BANP: variants seen among roughly 807,000 people sequenced by gnomAD.
The protein encoded by BANP is protein BANP.
In BANP, 11 loss-of-function variants were observed where a neutral mutation model predicts 68.1. The observed-to-expected ratio is 0.16, with a 90% CI of 0.10 to 0.27. The LOEUF (loss-of-function observed/expected upper bound fraction) is 0.27. Among genes scored for constraint, BANP ranks in the 10% least tolerant of loss-of-function variants. The pLI, the probability that BANP is intolerant of heterozygous loss-of-function variation, is 1.00. For synonymous variants in BANP, 329 were observed against 303.2 expected (o/e 1.09, Z -0.88); for missense variants, 504 against 722.7 (o/e 0.70, Z 3.47).
intron 11 of BANP, among the ~76,000 whole-genome samples, chr16:88,059,097 C>T (rs532162754): frequency 6.6e-6 from 1 of 151,010 alleles, no homozygotes; most frequent in Non-Finnish European, 1.5e-5. Flanking sequence ...GTCCGTGCTC[C>T]TGCTGGTGTG....
At chr16:88,009,830 A>G (rs185933173) in intron 6 of BANP, among the ~76,000 whole-genome samples, 52 of 147,572 alleles carry the variant, frequency 3.5e-4, no homozygotes, top group Admixed American at 2.5e-3. Flanking sequence ...TTAGAATAAG[A>G]AGGACAGTAG....
At position 88,057,531 on chromosome 16, in the gene BANP, T is replaced by C. The variant is rs914335073; in HGVS notation, c.1312-7736T>C. ...CGAGGAGTGAAAAACACCCCTCAGG[T>C]CGCTTCATGCTGATTCTGTTTAGGC... is the stretch of plus-strand genomic sequence containing the variant. On this transcript the variant is annotated intron_variant, in intron 11 of 13. Transcript: ENST00000682872. The surrounding 1 kb of genome is among the most constrained non-coding windows in gnomAD (Gnocchi z 4.6). Among the ~76,000 whole-genome samples, 11 of 151,974 alleles carry C rather than the reference T, an allele frequency of 7.2e-5. No individual in the cohort carries two copies. The highest frequency in any genetic ancestry group is 2.0e-4 in the Admixed American group (3 of 15,268).
chr16:87,984,249 A>G lies in BANP; in HGVS notation c.352A>G (p.Lys118Glu), dbSNP rs1482807793. Residue 118 changes from lysine (K) to glutamate (E), a missense_variant, in exon 4 of 14, where the codon AAA becomes GAA. By Grantham distance (56) the Lys-to-Glu change is moderately conservative. Around this residue, in one of 3 missense-constraint regions of BANP, gnomAD observed 238 missense variants for 278.9 expected, o/e 0.85. Transcript: ENST00000682872. ...TCTCGGGGCAACCCAGACGTGCAAC[A>G]AAGTGCGATGGTAAGAACAGACCAG... ...SPLGATQTCN[K>E]VRCVVPQTTV... 6.3e-7 allele frequency: 1 copy of G among 1,587,874 alleles called. No homozygotes were observed. Among genetic ancestry groups the G allele is most frequent in the South Asian group, 1.1e-5 (1 of 88,132 alleles).
intron 4 of BANP, among the ~76,000 whole-genome samples, chr16:87,987,961 G>C (rs562614620): frequency 5.3e-4 from 81 of 151,982 alleles, no homozygotes; most frequent in Non-Finnish European, 9.1e-4. Context: ...ATGAGGTTTT[G>C]CCATGTTGTA....
chr16:87,968,712 T>C (rs1002739916), intron 1 of BANP, among the ~76,000 whole-genome samples: 1 of 152,120 alleles, frequency 6.6e-6, no homozygotes, highest in Non-Finnish European at 1.5e-5. Context: ...ATGTGGTTTC[T>C]GCTTCCCTGG....
At chr16:88,021,250 G>T (rs2075976474) in intron 7 of BANP, among the ~76,000 whole-genome samples, 1 of 152,216 alleles carries the variant, frequency 6.6e-6, no homozygotes, top group African/African-American at 2.4e-5. Flanking sequence ...GGCCTCCCCA[G>T]GCTCTGAGCT....
chr16:88,072,414 C>T (rs893639486), intron 13 of BANP, among the ~76,000 whole-genome samples: 8 of 152,256 alleles, frequency 5.3e-5, no homozygotes, highest in African/African-American at 1.9e-4. Context: ...TGCCCCAGTT[C>T]CAAATTCCAA....
chr16:88,047,505 C>G (rs1232685711), intron 11 of BANP, among the ~76,000 whole-genome samples: 1 of 152,184 alleles, frequency 6.6e-6, no homozygotes, highest in South Asian at 2.1e-4. Flanking sequence ...TTTGTTCTTT[C>G]AGCCCTCATT....
At chr16:88,035,698 C>T (rs1179349561) in intron 10 of BANP, among the ~76,000 whole-genome samples, 1 of 152,242 alleles carries the variant, frequency 6.6e-6, no homozygotes, top group Non-Finnish European at 1.5e-5. Context: ...CTGTCTGGCC[C>T]TGCCCTTCCT....
chr16:88,010,078 C>T (rs575927651), intron 6 of BANP, among the ~76,000 whole-genome samples: 1 of 152,332 alleles, frequency 6.6e-6, no homozygotes, highest in South Asian at 2.1e-4. Flanking sequence ...CTTGTGCTTG[C>T]CTTTTGTCAG....
chr16:88,052,175 C>G (rs1222702559), intron 11 of BANP, among the ~76,000 whole-genome samples: 1 of 152,100 alleles, frequency 6.6e-6, no homozygotes, highest in African/African-American at 2.4e-5. Context: ...AAACAAAACA[C>G]AAGAAAGATA....
At chr16:88,006,778 C>T (rs969731402) in intron 6 of BANP, among the ~76,000 whole-genome samples, 1 of 151,256 alleles carries the variant, frequency 6.6e-6, no homozygotes, top group South Asian at 2.1e-4. Context: ...ATGGTGAAAC[C>T]CCATCTCTAC....
chr16:88,016,597 C>G (rs974468668), intron 6 of BANP, among the ~76,000 whole-genome samples: 4 of 152,316 alleles, frequency 2.6e-5, no homozygotes, highest in African/African-American at 4.8e-5. Context: ...TTGGGTGTCC[C>G]GTAAGGATTC....
In BANP at chr16:87,957,700, G is replaced by A. The variant is rs75971960; in HGVS notation, c.-69+6185G>A. 4.2e-3 allele frequency among the ~76,000 whole-genome samples: 640 copies of A among 152,382 alleles called. 4 individuals are homozygous for A. Among genetic ancestry groups the A allele is most frequent in the African/African-American group, 0.015 (617 of 41,592 alleles). On this transcript the variant is annotated intron_variant, in intron 1 of 13. Coordinates refer to ENST00000682872, the MANE Select transcript of BANP (RefSeq NM_001386991.1). The surrounding 1 kb of genome is among the most constrained non-coding windows in gnomAD (Gnocchi z 4.3). ...GTAGAAACGCGTTTGGATGGAGCCG[G>A]GAGGGAGAACTGGGTGCGCGCTTGG...
At chr16:87,954,043 T>C (rs2057539641) in intron 1 of BANP, among the ~76,000 whole-genome samples, 1 of 152,164 alleles carries the variant, frequency 6.6e-6, no homozygotes, top group South Asian at 2.1e-4. Context: ...ACTCTGGTGC[T>C]TTGTCCTTCA....
chr16:88,019,299 A>C (rs1281313057), intron 7 of BANP, among the ~76,000 whole-genome samples: 2 of 152,012 alleles, frequency 1.3e-5, no homozygotes, highest in Non-Finnish European at 2.9e-5. Context: ...TCCATGGTCC[A>C]TTTGCTCCAC....
At chr16:87,970,456 T>TTAGAATGCTTTTATACAGAGAAACATTC (rs2060904832) in intron 1 of BANP, among the ~76,000 whole-genome samples, 3 of 152,246 alleles carry the variant, frequency 2.0e-5, no homozygotes, top group Non-Finnish European at 4.4e-5. Context: ...TGTTCTTTTG[T>TTAGAATGCTTTTATACAGAGAAACATTC]TAGAATGCTT....
rs182577195 is a variant in BANP at position 87,955,789 on chromosome 16, A to G, written c.-69+4274A>G. On this transcript the variant is annotated intron_variant, in intron 1 of 13. Transcript: ENST00000682872. ...CCATCAGTCATAAGACGTTGACACC[A>G]AGGACCCAGTGAGACACATCACTTC... Among the ~76,000 whole-genome samples the G allele has an allele frequency of 1.4e-3, 216 of 152,330 alleles. 1 individual carries two copies. The highest frequency in any genetic ancestry group is 5.0e-3 in the African/African-American group (206 of 41,562).
chr16:88,031,952 G>A (rs531209712), intron 8 of BANP, among the ~76,000 whole-genome samples: 3 of 151,642 alleles, frequency 2.0e-5, no homozygotes, highest in East Asian at 2.0e-4. Context: ...CTACAGACGC[G>A]TGCCACCACA....
Sources: allele counts gnomAD v4.1 joint callset (sites outside exome capture counted in the v4.1 genomes callset), GRCh38; gene constraint gnomAD v4.1.1; regional missense constraint gnomAD v4.1.1; non-coding constraint Gnocchi (gnomAD v3.1); transcripts MANE v1.5; gene names NCBI Gene and HGNC (gene_info 2026-07-23, HGNC 2026-07-21).